The following SCAPER variants were observed in gnomAD, a reference collection of about 807,000 sequenced individuals.
SCAPER encodes the protein S phase cyclin A-associated protein in the endoplasmic reticulum.
SCAPER carries 98 observed loss-of-function variants against 182.2 expected under a neutral mutation model. The ratio of observed to expected loss-of-function variants is 0.54; its 90% CI spans 0.46 to 0.64. The LOEUF is 0.64. SCAPER is among the 30% of genes least tolerant of loss of function. The pLI, the probability that SCAPER is intolerant of heterozygous loss-of-function variation, is 0.00. For missense variants in SCAPER, 1,432 were observed against 1,690.0 expected, an observed-to-expected ratio of 0.85 and a Z score of 2.68; for synonymous variants, 605 against 564.6, an observed-to-expected ratio of 1.07 and a Z score of -1.01.
At position 76,765,545 on chromosome 15, in the gene SCAPER, T is replaced by C. The variant is rs752136863; in HGVS notation, c.1495+18A>G. 6.2e-7 allele frequency: 1 copy of C among 1,601,770 alleles called. No individual in the cohort carries two copies. Among genetic ancestry groups the C allele is most frequent in the East Asian group, 2.2e-5 (1 of 44,592 alleles). The stretch of plus-strand genomic sequence containing the variant: ...TTTGAACACTGTACTACACACCCAA[T>C]ATGCATATACACAATACCTTCATAA... On this transcript the variant is annotated intron_variant, in intron 12 of 31. Transcript: ENST00000563290.
At chr15:76,532,363 C>T (rs76763445) in intron 23 of SCAPER, among the ~76,000 whole-genome samples, 4,916 of 151,606 alleles carry the variant, frequency 0.032, 117 homozygotes, top group Non-Finnish European at 0.048. Flanking sequence ...CTTCCCTTCC[C>T]TTCCTTTTGT....
chr15:76,802,036 C>T (rs939346877), intron 6 of SCAPER, among the ~76,000 whole-genome samples: 13 of 151,708 alleles, frequency 8.6e-5, no homozygotes, highest in African/African-American at 2.9e-4. Context: ...CTCAACACAG[C>T]CACCAATAGG....
intron 20 of SCAPER, among the ~76,000 whole-genome samples, chr15:76,680,320 C>T (rs1010378626): frequency 2.6e-5 from 4 of 151,026 alleles, no homozygotes; most frequent in African/African-American, 9.8e-5. Flanking sequence ...GAAAAGAAAG[C>T]TGAAATGGCT....
chr15:76,545,618 A>G (rs997463352), intron 23 of SCAPER, among the ~76,000 whole-genome samples: 1 of 152,178 alleles, frequency 6.6e-6, no homozygotes, highest in South Asian at 2.1e-4. Context: ...GATAATAGCT[A>G]TCTCAGGACT....
At chr15:76,579,597 A>G (rs2048121594) in intron 22 of SCAPER, among the ~76,000 whole-genome samples, 1 of 152,040 alleles carries the variant, frequency 6.6e-6, no homozygotes, top group Non-Finnish European at 1.5e-5. Flanking sequence ...CACCTTCACT[A>G]TGAGAAAGAG....
intron 26 of SCAPER, among the ~76,000 whole-genome samples, chr15:76,415,736 A>G (rs543036352): frequency 1.3e-3 from 193 of 152,290 alleles, no homozygotes; most frequent in Non-Finnish European, 2.2e-3. Flanking sequence ...GAAATGATAT[A>G]CACAAACTCT....
chr15:76,749,738 G>A lies in SCAPER; in HGVS notation c.1866+4070C>T, dbSNP rs1009345645. On this transcript the variant is annotated intron_variant, in intron 15 of 31. Transcript: ENST00000563290. ...GCAAAGGCCAGAATCTAAATAAATT[G>A]AGATATATGTCATGTTCATGGAAAG... Among the ~76,000 whole-genome samples, 4 of 152,068 alleles carry A rather than the reference G, an allele frequency of 2.6e-5. No individual in the cohort carries two copies. The South Asian group carries it at 8.3e-4, about 32-fold the overall frequency.
At chr15:76,643,962 G>C (rs2054324994) in intron 21 of SCAPER, among the ~76,000 whole-genome samples, 1 of 152,126 alleles carries the variant, frequency 6.6e-6, no homozygotes. Flanking sequence ...GATCTGATCT[G>C]ATGAAGAACT....
chr15:76,551,074 A>G (rs2045728772), intron 23 of SCAPER, among the ~76,000 whole-genome samples: 1 of 152,182 alleles, frequency 6.6e-6, no homozygotes, highest in South Asian at 2.1e-4. Context: ...GCTAACAGAG[A>G]TGTAGAGAAA....
intron 25 of SCAPER, among the ~76,000 whole-genome samples, chr15:76,460,657 A>G (rs1240351582): frequency 6.6e-6 from 1 of 152,092 alleles, no homozygotes; most frequent in Non-Finnish European, 1.5e-5. Context: ...TGTACGTTAC[A>G]CTGTTTCATA....
intron 21 of SCAPER, among the ~76,000 whole-genome samples, chr15:76,643,553 G>A (rs960134348): frequency 6.6e-6 from 1 of 152,094 alleles, no homozygotes; most frequent in Non-Finnish European, 1.5e-5. Context: ...ATGGTGGCAC[G>A]CACCTGTAGT....
At chr15:76,533,321 T>C (rs2043838339) in intron 23 of SCAPER, among the ~76,000 whole-genome samples, 1 of 152,204 alleles carries the variant, frequency 6.6e-6, no homozygotes, top group Non-Finnish European at 1.5e-5. Context: ...TATACAACTG[T>C]GGTCCCATAA....
At chr15:76,766,878 T>C (rs756394557) in intron 11 of SCAPER, 40 bp downstream of exon 11, 18 of 1,541,742 alleles carry the variant, frequency 1.2e-5, no homozygotes, top group Non-Finnish European at 1.6e-5. Context: ...TTTCTAAATA[T>C]AAATTTTGAA....
chr15:76,637,732 A>AT (rs1567666456), intron 21 of SCAPER, among the ~76,000 whole-genome samples: 1 of 29,856 alleles, frequency 3.3e-5, no homozygotes, highest in Non-Finnish European at 7.7e-5. Flanking sequence ...TTATATATAT[A>AT]TATATATATA....
At chr15:76,430,854 G>A (rs1414497281) in intron 26 of SCAPER, among the ~76,000 whole-genome samples, 1 of 152,150 alleles carries the variant, frequency 6.6e-6, no homozygotes, top group African/African-American at 2.4e-5. Context: ...GGGCTGGGGT[G>A]GAATAATGTG....
intron 29 of SCAPER, among the ~76,000 whole-genome samples, chr15:76,361,042 A>T (rs1234518501): frequency 6.6e-6 from 1 of 151,882 alleles, no homozygotes; most frequent in African/African-American, 2.4e-5. Context: ...AAAAAAGGAA[A>T]GTGGAGGTGG....
chr15:76,806,758 A>G (rs1258889902), intron 5 of SCAPER, among the ~76,000 whole-genome samples: 1 of 152,268 alleles, frequency 6.6e-6, no homozygotes, highest in Non-Finnish European at 1.5e-5. Context: ...TATATTTTAT[A>G]GTTTGTGTGT....
chr15:76,565,691 C>G (rs1194223443), intron 23 of SCAPER, among the ~76,000 whole-genome samples: 1 of 152,134 alleles, frequency 6.6e-6, no homozygotes, highest in Non-Finnish European at 1.5e-5. Context: ...AATTCTCCTT[C>G]TCTCAACACC....
intron 29 of SCAPER, 112 bp downstream of exon 29, chr15:76,376,050 G>A (rs1761931280): frequency 7.4e-7 from 1 of 1,345,654 alleles, no homozygotes; most frequent in South Asian, 1.4e-5. Flanking sequence ...TGGTTAAAGG[G>A]CTTTACAGAG....
Sources: allele counts gnomAD v4.1 joint callset (sites outside exome capture counted in the v4.1 genomes callset), GRCh38; gene constraint gnomAD v4.1.1; transcripts MANE v1.5; gene names NCBI Gene and HGNC (gene_info 2026-07-23, HGNC 2026-07-21).